The following UBE3C variants were observed in gnomAD, a reference collection of about 807,000 sequenced individuals.
UBE3C encodes the protein ubiquitin protein ligase E3C, also known as ubiquitin-protein ligase E3C.
A neutral mutation model predicts 129.4 loss-of-function variants in UBE3C; 42 were observed. The observed-to-expected ratio is 0.32, with a 90% CI of 0.25 to 0.42. UBE3C has a LOEUF of 0.42. UBE3C is among the 10% of genes least tolerant of loss of function. The pLI is 1.00. For missense variants in UBE3C, 1,049 were observed against 1,319.1 expected, an observed-to-expected ratio of 0.80 and a Z score of 3.17; for synonymous variants, 510 against 492.4, an observed-to-expected ratio of 1.04 and a Z score of -0.47.
rs1808475162 is a variant in UBE3C, at chr7:157,174,937, T to C, written c.361T>C (p.Leu121=). ...GTTTCAGATATGGCTGTATCAGAAC[T>C]TAATTAAACACAGCTCTCTGTTTGT... The part of the protein sequence containing the change: ...SKRLIWLYQN[L]IKHSSLFVKQ... Residue 121 remains leucine, a synonymous_variant, in exon 5 of 23, where the codon TTA becomes CTA. Coordinates refer to ENST00000348165, the MANE Select transcript of UBE3C (RefSeq NM_014671.3). 6.2e-7 allele frequency: 1 copy of C among 1,611,146 alleles called. No individual in the cohort carries two copies. The highest frequency in any genetic ancestry group is 8.5e-7 in the Non-Finnish European group (1 of 1,178,876).
intron 19 of UBE3C, among the ~76,000 whole-genome samples, chr7:157,248,989 C>A (rs1304069980): frequency 6.6e-6 from 1 of 152,186 alleles, no homozygotes; most frequent in Non-Finnish European, 1.5e-5. Flanking sequence ...GTGTTCATTA[C>A]CCATCTGGTT....
chr7:157,211,752 ACT>A (rs1307253659), intron 13 of UBE3C, among the ~76,000 whole-genome samples: 2 of 152,252 alleles, frequency 1.3e-5, no homozygotes, highest in African/African-American at 4.8e-5. Flanking sequence ...TTATTTGAAC[ACT>A]CACAGTATTC....
At chr7:157,218,400 G>C (rs1482795483) in intron 14 of UBE3C, among the ~76,000 whole-genome samples, 1 of 151,720 alleles carries the variant, frequency 6.6e-6, no homozygotes, top group East Asian at 1.9e-4. Flanking sequence ...AGTAAGCTGA[G>C]ATCACGCCAC....
At chr7:157,186,771 G>A in intron 9 of UBE3C, 63 bp from the exon 10 acceptor site, 57 of 1,568,024 alleles carry the variant, frequency 3.6e-5, no homozygotes, top group Non-Finnish European at 4.9e-5. Flanking sequence ...GTATATGTTT[G>A]TAGTGTAGAG....
At chr7:157,211,579 G>C (rs1322056397) in intron 13 of UBE3C, among the ~76,000 whole-genome samples, 1 of 152,090 alleles carries the variant, frequency 6.6e-6, no homozygotes, top group Non-Finnish European at 1.5e-5. Context: ...TTGAGCAGTA[G>C]AATATAAATC....
intron 14 of UBE3C, 103 bp from the exon 15 acceptor site, chr7:157,220,586 C>A: frequency 7.4e-7 from 1 of 1,351,192 alleles, no homozygotes; most frequent in Non-Finnish European, 1.0e-6. Flanking sequence ...GAGGGCCCAG[C>A]CCACGGTAGA....
At chr7:157,197,928 C>A in intron 10 of UBE3C, 1 of 1,607,806 alleles carries the variant, frequency 6.2e-7, no homozygotes, top group Non-Finnish European at 8.5e-7. Flanking sequence ...TGTAAGCCTT[C>A]CAAGTTTTTG....
chr7:157,171,891 G>A (rs1205793554), intron 4 of UBE3C, among the ~76,000 whole-genome samples: 2 of 150,000 alleles, frequency 1.3e-5, no homozygotes, highest in Non-Finnish European at 3.0e-5. Context: ...ATTTTTAGTG[G>A]AGATGGGATG....
chr7:157,227,940 T>C (rs1584803604), intron 17 of UBE3C, among the ~76,000 whole-genome samples: 2 of 152,364 alleles, frequency 1.3e-5, no homozygotes, highest in South Asian at 2.1e-4. Context: ...ACTCAAATAC[T>C]GTAAGCATGA....
intron 4 of UBE3C, among the ~76,000 whole-genome samples, chr7:157,171,683 T>TAC (rs1808376239): frequency 3.0e-5 from 1 of 32,922 alleles, no homozygotes; most frequent in African/African-American, 1.2e-4. Flanking sequence ...TATATATATA[T>TAC]ATATTTTTTT....
chr7:157,146,970 G>A (rs1386444161), intron 1 of UBE3C, among the ~76,000 whole-genome samples: 1 of 152,168 alleles, frequency 6.6e-6, no homozygotes, highest in Admixed American at 6.5e-5. Flanking sequence ...ATTGAAGTCT[G>A]GTAGTGTGAG....
chr7:157,231,848 A>G (rs377697494), intron 18 of UBE3C: 1 of 154,426 alleles, frequency 6.5e-6, no homozygotes, highest in African/African-American at 2.4e-5. Flanking sequence ...AAAACGGACT[A>G]AGACAGTAAG....
rs373070421 is a variant in UBE3C, at chr7:157,192,344, A to G, written c.1331+5323A>G. The G allele has an allele frequency of 2.2e-5, 13 of 602,584 alleles. No individual in the cohort carries two copies. In the African/African-American group the frequency reaches 2.4e-4, roughly 11 times the overall value. 37.3% of individuals were successfully genotyped at this position (602,584 alleles called of 1,614,324 possible). On this transcript the variant is annotated intron_variant, in intron 10 of 22. Transcript: ENST00000348165. ...GAAGGGGCTTCCTTTTCGATCCGCCATCTGCGGTGGAGCCGCCACCAAAAT... is the reference window on the plus strand; with the variant it reads ...GAAGGGGCTTCCTTTTCGATCCGCCGTCTGCGGTGGAGCCGCCACCAAAAT...
chr7:157,148,169 G>A (rs534793708), intron 1 of UBE3C, among the ~76,000 whole-genome samples: 35 of 152,026 alleles, frequency 2.3e-4, no homozygotes, highest in Admixed American at 1.9e-3. Flanking sequence ...ACAGTGGTGC[G>A]ATCTCACTGC....
intron 14 of UBE3C, chr7:157,217,250 A>G: frequency 3.9e-6 from 1 of 257,202 alleles, no homozygotes; most frequent in Non-Finnish European, 7.4e-6. Context: ...AGGTTGAAAA[A>G]TATTTTGCTT....
At chr7:157,173,228 TTAGCTGGCTGCGG>T (rs1289454194) in intron 4 of UBE3C, among the ~76,000 whole-genome samples, 3 of 152,060 alleles carry the variant, frequency 2.0e-5, no homozygotes, top group Non-Finnish European at 4.4e-5. Flanking sequence ...AAAAAATAAA[TTAGCTGGCTGCGG>T]TAGCTTGCTG....
intron 11 of UBE3C, among the ~76,000 whole-genome samples, chr7:157,204,161 A>G (rs1202488088): frequency 1.3e-5 from 2 of 152,174 alleles, no homozygotes. Flanking sequence ...GTCAGGCACC[A>G]TCTGTAAATG....
intron 12 of UBE3C, 30 bp from the exon 13 acceptor site, chr7:157,207,673 A>G: frequency 6.2e-7 from 1 of 1,600,026 alleles, no homozygotes; most frequent in South Asian, 1.1e-5. Context: ...TGGAAAAAGA[A>G]ACAATAGAAA....
chr7:157,196,937 C>T (rs1809136865), intron 10 of UBE3C, among the ~76,000 whole-genome samples: 1 of 152,072 alleles, frequency 6.6e-6, no homozygotes, highest in East Asian at 1.9e-4. Flanking sequence ...CCATTGCACT[C>T]CAGGCTGGGC....
Sources: allele counts gnomAD v4.1 joint callset (sites outside exome capture counted in the v4.1 genomes callset), GRCh38; gene constraint gnomAD v4.1.1; transcripts MANE v1.5; gene names NCBI Gene and HGNC (gene_info 2026-07-23, HGNC 2026-07-21).